The following DNAH11 variants were observed in gnomAD, a reference collection of about 807,000 sequenced individuals.
The protein encoded by DNAH11 is dynein axonemal heavy chain 11.
In DNAH11, 442 loss-of-function variants were observed where a neutral mutation model predicts 526.0. That is an observed-to-expected ratio of 0.84 (90% CI 0.78 to 0.91). The LOEUF (loss-of-function observed/expected upper bound fraction) is 0.91. Ranked by LOEUF, DNAH11 falls within the 40% of genes least tolerant of loss-of-function variation. DNAH11 has a pLI of 0.00. For missense variants in DNAH11, 6,989 were observed against 5,448.7 expected, an observed-to-expected ratio of 1.28 and a Z score of -8.90; for synonymous variants, 2,461 against 1,935.9, an observed-to-expected ratio of 1.27 and a Z score of -7.12.
intron 25 of DNAH11, among the ~76,000 whole-genome samples, chr7:21,633,897 C>G (rs1323988842): frequency 6.6e-6 from 1 of 152,216 alleles, no homozygotes; most frequent in Non-Finnish European, 1.5e-5. Flanking sequence ...CAGGATGTCT[C>G]TACCATTCAA....
chr7:21,832,934 T>C (rs1781845704), intron 65 of DNAH11, among the ~76,000 whole-genome samples: 1 of 152,106 alleles, frequency 6.6e-6, no homozygotes, highest in Non-Finnish European at 1.5e-5. Flanking sequence ...ACCTGCTACT[T>C]TAAAAAATAA....
intron 1 of DNAH11, chr7:21,543,879 T>G: frequency 4.3e-6 from 2 of 463,136 alleles, no homozygotes; most frequent in East Asian, 4.1e-5. Context: ...GCGCTTTCTT[T>G]AGCTGCTTGG....
At chr7:21,715,048 G>A (rs1284233547) in intron 42 of DNAH11, among the ~76,000 whole-genome samples, 2 of 152,294 alleles carry the variant, frequency 1.3e-5, no homozygotes, top group African/African-American at 4.8e-5. Context: ...TTGGGATACT[G>A]TATATGCTTA....
At chr7:21,549,136 C>T (rs1444857596) in intron 2 of DNAH11, among the ~76,000 whole-genome samples, 3 of 152,206 alleles carry the variant, frequency 2.0e-5, no homozygotes, top group Non-Finnish European at 4.4e-5. Context: ...ACCTTGGCCT[C>T]CCAAAGTCCT....
At chr7:21,883,905 T>C (rs1165348502) in intron 75 of DNAH11, among the ~76,000 whole-genome samples, 3 of 152,094 alleles carry the variant, frequency 2.0e-5, no homozygotes, top group Non-Finnish European at 4.4e-5. Context: ...TAGCGAGATG[T>C]AGTGTCCTGT....
chr7:21,861,754 C>T (rs1783071022), intron 68 of DNAH11, 99 bp from the exon 69 acceptor site: 1 of 1,462,746 alleles, frequency 6.8e-7, no homozygotes, highest in African/African-American at 1.4e-5. Flanking sequence ...CATTCTCACT[C>T]CCTATAGATA....
Position 21,708,201 on chromosome 7 carries a change from G to A in DNAH11, c.6683+366G>A, listed in dbSNP as rs116422035. Among the ~76,000 whole-genome samples the A allele has an allele frequency of 9.8e-3, 1,492 of 152,318 alleles. 23 individuals are homozygous for A. The highest frequency in any genetic ancestry group is 0.033 in the African/African-American group (1,387 of 41,574). On this transcript the variant is annotated intron_variant, in intron 40 of 81. Coordinates refer to ENST00000409508, the MANE Select transcript of DNAH11 (RefSeq NM_001277115.2). ...TTCCAGGTGCCAGGGACAAAAGTCAGTAGGGCATGTTGCCTGCCCTGAGAG... is the reference window on the plus strand; with the variant it reads ...TTCCAGGTGCCAGGGACAAAAGTCAATAGGGCATGTTGCCTGCCCTGAGAG...
rs528142960 is a variant in DNAH11 at position 21,845,720 on chromosome 7, T to C, written c.10896+2972T>C. Reference sequence around the variant, plus strand: ...ATTCTGGATCTTATGATTTTTAATATAAACTTTAGAATCAGATTTTCAACA... The same window carrying C: ...ATTCTGGATCTTATGATTTTTAATACAAACTTTAGAATCAGATTTTCAACA... On this transcript the variant is annotated intron_variant, in intron 66 of 81. Coordinates refer to ENST00000409508, the MANE Select transcript of DNAH11 (RefSeq NM_001277115.2). Among the ~76,000 whole-genome samples, 26 of 152,328 alleles carry C rather than the reference T, an allele frequency of 1.7e-4. No homozygotes were observed. The South Asian group carries it at 5.4e-3, about 32-fold the overall frequency.
chr7:21,873,465 G>T lies in DNAH11; in HGVS notation c.12159G>T (p.Leu4053=), dbSNP rs1275434177. The T allele has an allele frequency of 3.1e-6, 5 of 1,613,928 alleles. No homozygotes were observed. The highest frequency in any genetic ancestry group is 4.2e-6 in the Non-Finnish European group (5 of 1,179,864). ...KITNEPPTGM[L]ANLHAALYNF... ...CTAATGAACCCCCAACAGGGATGCTGGCCAATTTGCATGCCGCCCTGTACA... is the reference window on the plus strand; with the variant it reads ...CTAATGAACCCCCAACAGGGATGCTTGCCAATTTGCATGCCGCCCTGTACA... The change falls in exon 74 of 82, where the codon CTG becomes CTT. Residue 4053 remains leucine (L), a synonymous_variant. Transcript: ENST00000409508.
intron 46 of DNAH11, among the ~76,000 whole-genome samples, chr7:21,736,316 C>A (rs760042900): frequency 7.9e-5 from 12 of 152,100 alleles, no homozygotes; most frequent in African/African-American, 2.4e-4. Flanking sequence ...AACTAATCAA[C>A]GTAATCAAAA....
intron 73 of DNAH11, 37 bp from the exon 74 acceptor site, chr7:21,873,237 C>A: frequency 6.8e-7 from 1 of 1,464,548 alleles, no homozygotes. Context: ...TAATATGCCT[C>A]ACCTTCACAG....
chr7:21,553,151 C>G (rs1181734032), intron 2 of DNAH11, among the ~76,000 whole-genome samples: 3 of 140,260 alleles, frequency 2.1e-5, no homozygotes, highest in African/African-American at 8.6e-5. Context: ...ATTTTTAACC[C>G]TCCCCTGTTG....
chr7:21,777,216 A>G (rs969276330), intron 56 of DNAH11, among the ~76,000 whole-genome samples: 20 of 152,178 alleles, frequency 1.3e-4, no homozygotes, highest in African/African-American at 4.3e-4. Flanking sequence ...TTCATTCAGC[A>G]TAATTCCCCT....
intron 20 of DNAH11, 139 bp from the exon 21 acceptor site, chr7:21,614,975 C>A: frequency 1.0e-6 from 1 of 986,606 alleles, no homozygotes; most frequent in Non-Finnish European, 1.4e-6. Context: ...TACATTTTGC[C>A]AGTAATTACG....
At chr7:21,760,416 G>T (rs1786848391) in intron 54 of DNAH11, among the ~76,000 whole-genome samples, 1 of 152,084 alleles carries the variant, frequency 6.6e-6, no homozygotes, top group Non-Finnish European at 1.5e-5. Context: ...GGCACATGTG[G>T]CAATATTTCC....
chr7:21,891,549 C>A (rs1784326253), intron 76 of DNAH11, among the ~76,000 whole-genome samples: 1 of 152,120 alleles, frequency 6.6e-6, no homozygotes, highest in Admixed American at 6.5e-5. Flanking sequence ...CTCATAAATT[C>A]TTTTGTTACA....
rs1201326374 is a variant in DNAH11, at chr7:21,744,759, C to T, written c.8317-111C>T. ...GGTCTATGCTTGGGAACATTCCACC[C>T]ACCTACCCATGTGTGGGTCTGCAAG... On this transcript the variant is annotated intron_variant, in intron 50 of 81. Transcript: ENST00000409508. 3 of 1,436,000 alleles carry T rather than the reference C, an allele frequency of 2.1e-6. No individual in the cohort carries two copies. The East Asian group carries it at 7.3e-5, about 35-fold the overall frequency. The allele number at this position is 1,436,000 out of a possible 1,614,324, so 89.0% of individuals were successfully genotyped here. A position where few individuals can be genotyped will look rare whatever the true frequency, so the allele number is the denominator to read the frequency against.
intron 54 of DNAH11, among the ~76,000 whole-genome samples, chr7:21,757,230 C>T (rs1430581509): frequency 1.3e-5 from 2 of 152,180 alleles, no homozygotes; most frequent in South Asian, 4.1e-4. Context: ...GCCATACTTT[C>T]TGAACAACAT....
chr7:21,724,034 G>T (rs1179576707), intron 44 of DNAH11, among the ~76,000 whole-genome samples: 12 of 152,254 alleles, frequency 7.9e-5, no homozygotes, highest in African/African-American at 2.6e-4. Context: ...GACTCTGTTG[G>T]TTTTCTTTTC....
Sources: allele counts gnomAD v4.1 joint callset (sites outside exome capture counted in the v4.1 genomes callset), GRCh38; gene constraint gnomAD v4.1.1; transcripts MANE v1.5; gene names NCBI Gene and HGNC (gene_info 2026-07-23, HGNC 2026-07-21).